Variants in COL2A1 observed in about 807,000 individuals in gnomAD.
COL2A1 encodes collagen type II alpha 1 chain, also known as collagen alpha-1(II) chain.
In COL2A1, 28 loss-of-function variants were observed where a neutral mutation model predicts 204.5. The ratio of observed to expected loss-of-function variants is 0.14; its 90% CI spans 0.10 to 0.19. The LOEUF (loss-of-function observed/expected upper bound fraction) is 0.19. Ranked by LOEUF, COL2A1 falls within the 10% of genes least tolerant of loss-of-function variation. The pLI is 1.00. For missense variants in COL2A1, 1,388 were observed against 2,027.5 expected, an observed-to-expected ratio of 0.68 and a Z score of 6.06; for synonymous variants, 708 against 718.7, an observed-to-expected ratio of 0.99 and a Z score of 0.24.
rs41272755 is a variant in COL2A1 at position 47,977,187 on chromosome 12, A to C, written c.3274-32T>G. 2.0e-4 allele frequency: 322 copies of C among 1,611,452 alleles called. 2 individuals are homozygous for C. The East Asian group carries it at 6.9e-3, about 34-fold the overall frequency. ...AGAGAGTGAGCGCAGCGTCAGAGAAAAGCCAGGACAGGTGGGGGCCTCCTC... is the reference window on the plus strand; with the variant it reads ...AGAGAGTGAGCGCAGCGTCAGAGAACAGCCAGGACAGGTGGGGGCCTCCTC... On this transcript the variant is annotated intron_variant, in intron 46 of 53. Transcript: ENST00000380518.
At chr12:48,001,450 G>A (rs1162383180) in intron 1 of COL2A1, among the ~76,000 whole-genome samples, 1 of 152,252 alleles carries the variant, frequency 6.6e-6, no homozygotes, top group African/African-American at 2.4e-5. Flanking sequence ...CTGGAGCAGT[G>A]GAATGCAGGC....
At chr12:47,979,636 C>CGGGGGG in intron 40 of COL2A1, 72 bp from the exon 41 acceptor site, 1 of 673,248 alleles carries the variant, frequency 1.5e-6, no homozygotes. Context: ...GGGCGGGGGG[C>CGGGGGG]GGGGGTGGTC....
At chr12:47,981,047 G>T in intron 37 of COL2A1, 79 bp from the exon 38 acceptor site, 1 of 1,354,278 alleles carries the variant, frequency 7.4e-7, no homozygotes, top group South Asian at 1.3e-5. Flanking sequence ...AGCCCCTTGG[G>T]CCCTGCCCAG....
intron 4 of COL2A1, 49 bp downstream of exon 4, chr12:47,998,120 C>T (rs763228915): frequency 6.2e-6 from 10 of 1,614,164 alleles, no homozygotes; most frequent in Middle Eastern, 1.6e-4. Context: ...AGGAAATGAC[C>T]CATTTAGAGC....
At chr12:47,984,250 T>C (rs1183623166) in intron 28 of COL2A1, 110 bp from the exon 29 acceptor site, 1 of 994,296 alleles carries the variant, frequency 1.0e-6, no homozygotes, top group African/African-American at 1.6e-5. Context: ...ACCTCCACGG[T>C]ACCCCAGCTG....
rs1565677459 is a variant in COL2A1 at position 47,982,483 on chromosome 12, C to T, written c.2301+19G>A. 2 of 1,592,342 alleles carry T rather than the reference C, an allele frequency of 1.3e-6. No individual in the cohort carries two copies. Among genetic ancestry groups the T allele is most frequent in the Non-Finnish European group, 1.7e-6 (2 of 1,160,490 alleles). ...GCAAAGCCACAGCTTTGGTGAGAGG[C>T]TGTAACCTCAGTACTTACCCTGTCG... is the stretch of plus-strand genomic sequence containing the variant. On this transcript the variant is annotated intron_variant, in intron 34 of 53. Coordinates refer to ENST00000380518, the MANE Select transcript of COL2A1 (RefSeq NM_001844.5).
At chr12:47,981,899 G>A (rs1939113596) in intron 35 of COL2A1, 70 bp from the exon 36 acceptor site, 2 of 1,498,902 alleles carry the variant, frequency 1.3e-6, no homozygotes, top group South Asian at 1.2e-5. Context: ...CCGGCACCAA[G>A]CCAACCTTGG....
At position 47,996,623 on chromosome 12, in the gene COL2A1, G is replaced by A; in HGVS notation, c.534C>T (p.Asn178=). ...GPPGPPGLGG[N]FAAQMAGGFD... ...ATCCTCCAGCCATCTGGGCAGCAAAGTTCTGCAAAGAAACCCAACAACGTT... is the reference window on the plus strand; with the variant it reads ...ATCCTCCAGCCATCTGGGCAGCAAAATTCTGCAAAGAAACCCAACAACGTT... The change falls in exon 8 of 54, where the codon AAC becomes AAT. Residue 178 remains asparagine, a splice_region_variant and synonymous_variant. Transcript: ENST00000380518. 3 of 1,614,158 alleles carry A rather than the reference G, an allele frequency of 1.9e-6. No individual in the cohort carries two copies. The highest frequency in any genetic ancestry group is 2.5e-6 in the Non-Finnish European group (3 of 1,180,014).
At position 48,004,454 on chromosome 12, in the gene COL2A1, C is replaced by G; in HGVS notation, c.-133G>C. Reference sequence around the variant, plus strand: ...GGAGCAGGAGGGGGAAGCGGGAGACCCGGCAGCCCAGCAGCGCTCTGCGTC... The same window carrying G: ...GGAGCAGGAGGGGGAAGCGGGAGACGCGGCAGCCCAGCAGCGCTCTGCGTC... On this transcript the variant is annotated 5_prime_UTR_variant, in exon 1 of 54. Transcript: ENST00000380518. The G allele has an allele frequency of 1.7e-6, 1 of 588,698 alleles. No individual in the cohort carries two copies. Among genetic ancestry groups the G allele is most frequent in the African/African-American group, 1.9e-5 (1 of 52,038 alleles). 36.5% of individuals were successfully genotyped at this position (588,698 alleles called of 1,614,324 possible).
rs2136542036 is a variant in COL2A1 at position 47,981,370 on chromosome 12, T to C, written c.2436A>G (p.Ala812=). 1 of 1,612,774 alleles carries C rather than the reference T, an allele frequency of 6.2e-7. No homozygotes were observed. Among genetic ancestry groups the C allele is most frequent in the Non-Finnish European group, 8.5e-7 (1 of 1,179,796 alleles). Residue 812 remains alanine, a synonymous_variant, in exon 37 of 54, where the codon GCA becomes GCG. Transcript: ENST00000380518. ...GAGCGCCACGAGCACCAGCACTTCC[T>C]GCAGGACCAGGAGGTCCAACTTCTC... ...EKGEVGPPGP[A]GSAGARGAPG...
intron 37 of COL2A1, 82 bp from the exon 38 acceptor site, chr12:47,981,050 C>G: frequency 7.4e-7 from 1 of 1,351,112 alleles, no homozygotes; most frequent in Non-Finnish European, 1.0e-6. Flanking sequence ...CCCTTGGGCC[C>G]TGCCCAGCCT....
chr12:47,975,812 CCCTGTGA>C, intron 50 of COL2A1, 144 bp downstream of exon 50: 1 of 813,956 alleles, frequency 1.2e-6, no homozygotes, highest in East Asian at 2.5e-5. Flanking sequence ...TGATCATGGG[CCCTGTGA>C]CCTCTGAGGA....
At chr12:48,002,546 T>G (rs2136645833) in intron 1 of COL2A1, 1 of 152,218 alleles carries the variant, frequency 6.6e-6, no homozygotes, top group South Asian at 2.1e-4. Context: ...AGCTGTGGAA[T>G]CACTCCCTCC....
intron 28 of COL2A1, 116 bp downstream of exon 28, chr12:47,984,430 G>T: frequency 9.2e-7 from 1 of 1,092,264 alleles, no homozygotes; most frequent in South Asian, 1.3e-5. Flanking sequence ...CAGCCACAGA[G>T]ATCAACACTC....
At chr12:47,993,559 A>G in intron 14 of COL2A1, 57 bp from the exon 15 acceptor site, 1 of 1,499,842 alleles carries the variant, frequency 6.7e-7, no homozygotes, top group Admixed American at 1.7e-5. Context: ...CCGCCAGCAA[A>G]CTCCTAGGGA....
In COL2A1 at chr12:47,992,925, G is replaced by A; in HGVS notation, c.976C>T (p.Arg326Cys). Residue 326 changes from arginine to cysteine, a missense_variant, in exon 16 of 54, where the codon CGT (arginine) becomes TGT (cysteine). Arg to Cys is a radical substitution (Grantham distance 180). Coordinates refer to ENST00000380518, the MANE Select transcript of COL2A1 (RefSeq NM_001844.5). ...CGTCCTCTTTCACCAGGCAGGCCACGAGGACCCTGGAACACACACCAGGAC... is the reference window on the plus strand; with the variant it reads ...CGTCCTCTTTCACCAGGCAGGCCACAAGGACCCTGGAACACACACCAGGAC... ...ENGSPGPMGP[R>C]GLPGERGRTG... 6.2e-7 allele frequency: 1 copy of A among 1,614,190 alleles called. No homozygotes were observed. Among genetic ancestry groups the A allele is most frequent in the Non-Finnish European group, 8.5e-7 (1 of 1,180,024 alleles).
At position 47,994,088 on chromosome 12, in the gene COL2A1, T is replaced by G. The variant is rs754211100; in HGVS notation, c.817-41A>C. ...GAGGTGTTCAGAGCACAGAGTAAAA[T>G]AACAGTGGAAAGCTGCCCTGGGCTG... is the stretch of plus-strand genomic sequence containing the variant. On this transcript the variant is annotated intron_variant, in intron 12 of 53. Coordinates refer to ENST00000380518, the MANE Select transcript of COL2A1 (RefSeq NM_001844.5). The G allele has an allele frequency of 1.4e-5, 23 of 1,612,462 alleles. No individual in the cohort carries two copies. In the East Asian group the frequency reaches 5.1e-4, roughly 36 times the overall value.
chr12:47,981,690 G>T, intron 36 of COL2A1, 86 bp downstream of exon 36: 1 of 1,410,448 alleles, frequency 7.1e-7, no homozygotes, highest in South Asian at 1.2e-5. Context: ...GGTGAGGGAG[G>T]ACAAGACAGA....
chr12:47,994,530 T>A, intron 11 of COL2A1, 53 bp from the exon 12 acceptor site: 1 of 1,600,012 alleles, frequency 6.2e-7, no homozygotes, highest in East Asian at 2.2e-5. Context: ...AGTAGCATAG[T>A]GGGGGCACCC....
Sources: gnomAD v4.1 joint callset for allele counts (sites outside exome capture counted in the v4.1 genomes callset) on GRCh38, gnomAD v4.1.1 for gene constraint, MANE v1.5 for transcripts, NCBI Gene and HGNC (gene_info 2026-07-23, HGNC 2026-07-21) for gene names.